NALCN: variants seen among roughly 807,000 people sequenced by gnomAD.
The protein encoded by NALCN is sodium leak channel, non-selective.
NALCN carries 111 observed loss-of-function variants against 225.3 expected under a neutral mutation model. The observed-to-expected ratio is 0.49, with a 90% CI of 0.42 to 0.58. The LOEUF (loss-of-function observed/expected upper bound fraction) is 0.58, where lower values mean the gene tolerates loss of function less well. Ranked by LOEUF, NALCN falls within the 20% of genes least tolerant of loss-of-function variation. The pLI is 0.00. For missense variants in NALCN, 1,378 were observed against 2,202.4 expected, an observed-to-expected ratio of 0.63 and a Z score of 7.49; for synonymous variants, 764 against 769.0, an observed-to-expected ratio of 0.99 and a Z score of 0.11.
intron 7 of NALCN, among the ~76,000 whole-genome samples, chr13:101,332,275 TA>T (rs2045204575): frequency 6.8e-6 from 1 of 147,336 alleles, no homozygotes; most frequent in African/African-American, 2.5e-5. Context: ...TCACAGTAGA[TA>T]AAAAATAAAA....
intron 13 of NALCN, among the ~76,000 whole-genome samples, chr13:101,227,564 G>A (rs1195931425): frequency 6.6e-6 from 1 of 152,104 alleles, no homozygotes; most frequent in African/African-American, 2.4e-5. Context: ...CTGGGGGAGT[G>A]TGCTAAGTAA....
intron 7 of NALCN, among the ~76,000 whole-genome samples, chr13:101,337,178 G>A (rs143810813): frequency 1.6e-4 from 24 of 152,196 alleles, no homozygotes; most frequent in African/African-American, 5.5e-4. Flanking sequence ...CTGTCTCACA[G>A]AATACAGAAT....
chr13:101,078,046 T>C (rs959418169), intron 34 of NALCN, among the ~76,000 whole-genome samples: 1 of 152,220 alleles, frequency 6.6e-6, no homozygotes, highest in Non-Finnish European at 1.5e-5. Context: ...GGCTTACACA[T>C]GGTTTTGGGC....
chr13:101,409,636 A>G (rs2139551167), intron 1 of NALCN, among the ~76,000 whole-genome samples: 1 of 152,354 alleles, frequency 6.6e-6, no homozygotes, highest in South Asian at 2.1e-4. Flanking sequence ...TATAATATGA[A>G]TCTGTAAAGG....
At chr13:101,314,499 T>C (rs1385266513) in intron 7 of NALCN, among the ~76,000 whole-genome samples, 1 of 152,122 alleles carries the variant, frequency 6.6e-6, no homozygotes, top group Non-Finnish European at 1.5e-5. Context: ...ATGGTTCCTA[T>C]ATTTTACAGC....
rs117212540 is a variant in NALCN at position 101,168,739 on chromosome 13, A to G, written c.1839+7561T>C. Among the ~76,000 whole-genome samples the G allele has an allele frequency of 8.1e-3, 1,238 of 152,336 alleles. 15 individuals are homozygous for G. Among genetic ancestry groups the G allele is most frequent in the South Asian group, 0.056 (270 of 4,826 alleles). The stretch of plus-strand genomic sequence containing the variant: ...GACACCCTGTGGCATCAATACCATC[A>G]GAATAATATCAAAATGCTTAGTGCT... On this transcript the variant is annotated intron_variant, in intron 15 of 43. Transcript: ENST00000251127.
intron 13 of NALCN, among the ~76,000 whole-genome samples, chr13:101,199,341 C>T (rs1048335252): frequency 1.4e-4 from 21 of 151,496 alleles, no homozygotes; most frequent in Admixed American, 2.6e-4. Flanking sequence ...TATAAAGACA[C>T]ATGCACACAT....
chr13:101,087,479 T>TA (rs57414633), intron 30 of NALCN, among the ~76,000 whole-genome samples: 63,946 of 142,698 alleles, frequency 0.45, 14,933 homozygotes, highest in Admixed American at 0.59. Flanking sequence ...AGCTGCTTTC[T>TA]AAAAAAAAAA....
intron 11 of NALCN, among the ~76,000 whole-genome samples, chr13:101,245,846 G>A (rs2041878980): frequency 6.6e-6 from 1 of 152,158 alleles, no homozygotes; most frequent in African/African-American, 2.4e-5. Context: ...AAGTACCTCT[G>A]ATCGGTTGCT....
chr13:101,111,314 T>A, intron 18 of NALCN, 88 bp from the exon 19 acceptor site: 2 of 1,128,450 alleles, frequency 1.8e-6, no homozygotes, highest in Non-Finnish European at 2.5e-6. Flanking sequence ...TTTATTATTT[T>A]AAAGGCAACA....
At chr13:101,109,318 G>A (rs1262908067) in intron 20 of NALCN, among the ~76,000 whole-genome samples, 2 of 152,184 alleles carry the variant, frequency 1.3e-5, no homozygotes, top group Non-Finnish European at 2.9e-5. Flanking sequence ...GGTAAACAGA[G>A]CTCTGTGCCA....
chr13:101,269,106 CT>C (rs2140246263), intron 10 of NALCN, among the ~76,000 whole-genome samples: 1 of 152,146 alleles, frequency 6.6e-6, no homozygotes, highest in South Asian at 2.1e-4. Context: ...GAAGTGTTCA[CT>C]TTGCTTACTT....
intron 41 of NALCN, among the ~76,000 whole-genome samples, chr13:101,060,509 T>C (rs2031819954): frequency 8.5e-6 from 1 of 117,482 alleles, no homozygotes; most frequent in Admixed American, 7.9e-5. Context: ...CAAGCTAGTT[T>C]CAAACTTCTG....
At chr13:101,103,102 A>T (rs2034910464) in intron 26 of NALCN, 70 bp downstream of exon 26, 17 of 1,541,074 alleles carry the variant, frequency 1.1e-5, no homozygotes, top group Middle Eastern at 1.7e-4. Context: ...AGCAAGACTC[A>T]CTTTTCCCTC....
chr13:101,361,892 C>G (rs1032426859), intron 6 of NALCN, among the ~76,000 whole-genome samples: 1 of 152,048 alleles, frequency 6.6e-6, no homozygotes, highest in African/African-American at 2.4e-5. Context: ...GCATGGTTTT[C>G]TTTTGGTATA....
intron 15 of NALCN, among the ~76,000 whole-genome samples, chr13:101,153,453 T>C (rs1200932519): frequency 6.6e-6 from 1 of 152,198 alleles, no homozygotes; most frequent in Non-Finnish European, 1.5e-5. Flanking sequence ...GTTTGCTATG[T>C]TGATTGGATT....
chr13:101,252,177 C>T (rs756524269), intron 11 of NALCN, among the ~76,000 whole-genome samples: 7 of 152,132 alleles, frequency 4.6e-5, no homozygotes, highest in Non-Finnish European at 8.8e-5. Context: ...AGTCACACAT[C>T]GATGGCCATA....
intron 1 of NALCN, among the ~76,000 whole-genome samples, chr13:101,405,238 T>C (rs981109353): frequency 8.5e-5 from 13 of 152,206 alleles, no homozygotes; most frequent in African/African-American, 2.7e-4. Flanking sequence ...CTTGTTTCTG[T>C]AAAGTTTGAC....
chr13:101,065,374 C>T (rs1383605036), intron 40 of NALCN, 30 bp downstream of exon 40: 2 of 1,612,144 alleles, frequency 1.2e-6, no homozygotes, highest in African/African-American at 1.3e-5. Context: ...TTCTGGCCCC[C>T]ATTCAGCCCT....
Sources: allele counts gnomAD v4.1 joint callset (sites outside exome capture counted in the v4.1 genomes callset), GRCh38; gene constraint gnomAD v4.1.1; transcripts MANE v1.5; gene names NCBI Gene and HGNC (gene_info 2026-07-23, HGNC 2026-07-21).